CAP2: variants seen among roughly 807,000 people sequenced by gnomAD.
CAP2 encodes the protein adenylyl cyclase-associated protein 2.
A neutral mutation model predicts 57.7 loss-of-function variants in CAP2; 24 were observed. That is an observed-to-expected ratio of 0.42 (90% CI 0.30 to 0.58). CAP2 has a LOEUF of 0.58. Among genes scored for constraint, CAP2 ranks in the 20% least tolerant of loss-of-function variants. The pLI, the probability that CAP2 is intolerant of heterozygous loss-of-function variation, is 0.22. For synonymous variants in CAP2, 194 were observed against 207.2 expected, an observed-to-expected ratio of 0.94 and a Z score of 0.55; for missense variants, 501 against 590.3, an observed-to-expected ratio of 0.85 and a Z score of 1.57.
intron 3 of CAP2, among the ~76,000 whole-genome samples, chr6:17,453,358 TG>T (rs1426239903): frequency 6.6e-6 from 1 of 152,216 alleles, no homozygotes; most frequent in Non-Finnish European, 1.5e-5. Context: ...ATTATTGATT[TG>T]TTGCATGATT....
chr6:17,539,165 C>A, intron 7 of CAP2, 104 bp from the exon 8 acceptor site: 1 of 1,072,590 alleles, frequency 9.3e-7, no homozygotes, highest in Non-Finnish European at 1.4e-6. Context: ...GCTCAGGCTT[C>A]AACCCCACTC....
Position 17,421,561 on chromosome 6 carries a change from C to T in CAP2, c.6C>T (p.Ala2=). The T allele has an allele frequency of 1.9e-6, 3 of 1,614,164 alleles. No individual in the cohort carries two copies. The highest frequency in any genetic ancestry group is 2.5e-6 in the Non-Finnish European group (3 of 1,180,024). ...TGTGCCTGTGCTTTTCTAGAATGGC[C>T]AACATGCAGGGACTGGTGGAAAGAC... is the stretch of plus-strand genomic sequence containing the variant. M[A]NMQGLVERLE... is the part of the protein sequence containing the mutation. The change falls in exon 2 of 13, where the codon GCC becomes GCT. Residue 2 remains alanine, a synonymous_variant. Transcript: ENST00000229922.
rs1315939613 is a variant in CAP2 at position 17,499,519 on chromosome 6, A to G, written c.301-7650A>G. 3.3e-5 allele frequency among the ~76,000 whole-genome samples: 5 copies of G among 152,168 alleles called. No individual in the cohort carries two copies. In the East Asian group the frequency reaches 9.7e-4, roughly 29 times the overall value. On this transcript the variant is annotated intron_variant, in intron 4 of 12. Coordinates refer to ENST00000229922, the MANE Select transcript of CAP2 (RefSeq NM_006366.3). ...GCATCCTCTGAAAGACCAAGTCACC[A>G]GGTTTTATATTCTTGAAGAATGATT...
intron 4 of CAP2, among the ~76,000 whole-genome samples, chr6:17,466,337 G>T (rs1760864276): frequency 6.6e-6 from 1 of 152,146 alleles, no homozygotes; most frequent in South Asian, 2.1e-4. Flanking sequence ...AACTCAGACT[G>T]CTGGGCCCCA....
At chr6:17,520,325 G>T (rs4716148) in intron 7 of CAP2, among the ~76,000 whole-genome samples, 55,114 of 151,908 alleles carry the variant, frequency 0.36, 11,289 homozygotes, top group Non-Finnish European at 0.46. Context: ...GCCCAGGCTG[G>T]TCTCAAACTC....
intron 11 of CAP2, among the ~76,000 whole-genome samples, chr6:17,547,658 A>C (rs184577929): frequency 6.6e-6 from 1 of 151,850 alleles, no homozygotes; most frequent in Non-Finnish European, 1.5e-5. Flanking sequence ...TGGCTAACAC[A>C]GTGAAACCCT....
intron 3 of CAP2, among the ~76,000 whole-genome samples, chr6:17,433,067 G>A (rs1327295744): frequency 2.0e-5 from 3 of 151,490 alleles, no homozygotes; most frequent in African/African-American, 7.3e-5. Flanking sequence ...TGTGCGTGGT[G>A]TGTTAAAGAT....
At chr6:17,462,756 T>C (rs1450678109) in intron 3 of CAP2, among the ~76,000 whole-genome samples, 10 of 152,238 alleles carry the variant, frequency 6.6e-5, no homozygotes, top group Non-Finnish European at 2.9e-5. Flanking sequence ...TGCTGAATAA[T>C]ATTCTGTGGT....
intron 4 of CAP2, among the ~76,000 whole-genome samples, chr6:17,486,394 A>G (rs1164285023): frequency 6.6e-6 from 1 of 152,060 alleles, no homozygotes; most frequent in Non-Finnish European, 1.5e-5. Context: ...GTTTAAGCCC[A>G]GGAATTCAAG....
chr6:17,543,693 G>T (rs1441140927), intron 11 of CAP2, among the ~76,000 whole-genome samples: 6 of 149,440 alleles, frequency 4.0e-5, no homozygotes, highest in Non-Finnish European at 8.9e-5. Context: ...TCCTATTCTT[G>T]TTCCCTCTGG....
intron 3 of CAP2, among the ~76,000 whole-genome samples, chr6:17,442,112 A>G (rs1760096943): frequency 1.3e-5 from 2 of 152,162 alleles, no homozygotes; most frequent in African/African-American, 4.8e-5. Flanking sequence ...AGGGGCAATT[A>G]AATTCTTTGG....
intron 4 of CAP2, 57 bp downstream of exon 4, chr6:17,463,130 A>C (rs1760772378): frequency 5.6e-6 from 7 of 1,239,060 alleles, no homozygotes; most frequent in Non-Finnish European, 8.3e-6. Flanking sequence ...GTAAGATGGA[A>C]AACAAGGAGG....
chr6:17,539,741 A>C (rs1454004865), intron 8 of CAP2, among the ~76,000 whole-genome samples: 2 of 152,206 alleles, frequency 1.3e-5, no homozygotes, highest in Non-Finnish European at 2.9e-5. Flanking sequence ...CAGTACTTCC[A>C]CATCATTGTC....
Position 17,507,664 on chromosome 6 carries a change from C to T in CAP2, c.468C>T (p.Val156=). The T allele has an allele frequency of 1.2e-6, 2 of 1,608,796 alleles. No homozygotes were observed. Among genetic ancestry groups the T allele is most frequent in the Non-Finnish European group, 1.7e-6 (2 of 1,175,640 alleles). The change falls in exon 6 of 13, where the codon GTC becomes GTT. Residue 156 remains valine, a synonymous_variant. Coordinates refer to ENST00000229922, the MANE Select transcript of CAP2 (RefSeq NM_006366.3). Reference sequence around the variant, plus strand: ...AGTCTCCCAAACCTGGTCCTTATGTCAAGGAGATGAATGACGCTGCCACCT... The same window carrying T: ...AGTCTCCCAAACCTGGTCCTTATGTTAAGGAGATGAATGACGCTGCCACCT... The part of the protein sequence containing the change: ...IAVSPKPGPY[V]KEMNDAATFY...
At chr6:17,409,894 C>T (rs1038434304) in intron 1 of CAP2, among the ~76,000 whole-genome samples, 1 of 152,284 alleles carries the variant, frequency 6.6e-6, no homozygotes, top group African/African-American at 2.4e-5. Flanking sequence ...TCTTCTTCAA[C>T]CCGCTGTCAC....
intron 3 of CAP2, among the ~76,000 whole-genome samples, chr6:17,453,901 CTT>C (rs11339880): frequency 0.011 from 1,284 of 114,862 alleles, 10 homozygotes; most frequent in East Asian, 0.023. Flanking sequence ...TCTTTTTATT[CTT>C]TTTTTTTTTT....
chr6:17,441,020 A>G (rs572873771), intron 3 of CAP2, among the ~76,000 whole-genome samples: 4 of 151,632 alleles, frequency 2.6e-5, no homozygotes, highest in Non-Finnish European at 4.4e-5. Context: ...TTATGGCTGC[A>G]TAGTATTCCA....
chr6:17,522,404 G>A (rs971783554), intron 7 of CAP2, among the ~76,000 whole-genome samples: 21 of 152,138 alleles, frequency 1.4e-4, no homozygotes, highest in African/African-American at 3.1e-4. Context: ...CAGTTCTTCC[G>A]TGAAGCAGCA....
At chr6:17,532,571 C>A (rs1385436481) in intron 7 of CAP2, among the ~76,000 whole-genome samples, 1 of 150,822 alleles carries the variant, frequency 6.6e-6, no homozygotes, top group Non-Finnish European at 1.5e-5. Flanking sequence ...CATAGTGAAA[C>A]CCCTTCTCTA....
Sources: allele counts gnomAD v4.1 joint callset (sites outside exome capture counted in the v4.1 genomes callset), GRCh38; gene constraint gnomAD v4.1.1; transcripts MANE v1.5; gene names NCBI Gene and HGNC (gene_info 2026-07-23, HGNC 2026-07-21).